PTPRD: variants seen among roughly 807,000 people sequenced by gnomAD.
PTPRD encodes the protein protein tyrosine phosphatase receptor type D, also known as receptor-type tyrosine-protein phosphatase delta.
A neutral mutation model predicts 214.5 loss-of-function variants in PTPRD; 34 were observed. The ratio of observed to expected loss-of-function variants is 0.16; its 90% CI spans 0.12 to 0.21. The LOEUF (loss-of-function observed/expected upper bound fraction) is 0.21, where lower values mean the gene tolerates loss of function less well. Ranked by LOEUF, PTPRD falls within the 10% of genes least tolerant of loss-of-function variation. The pLI is 1.00. For missense variants in PTPRD, 2,545 were observed against 2,398.7 expected (o/e 1.06, Z -1.27); for synonymous variants, 1,128 against 845.7 (o/e 1.33, Z -5.79).
chr9:10,033,679 T>A (rs993451670), intron 4 of PTPRD, 39 bp downstream of exon 4: 2 of 152,072 alleles, frequency 1.3e-5, no homozygotes, highest in African/African-American at 4.8e-5. Flanking sequence ...TGTATTAAAT[T>A]GAGCATTAAA....
chr9:9,825,189 G>C (rs1336455130), intron 5 of PTPRD, among the ~76,000 whole-genome samples: 1 of 151,676 alleles, frequency 6.6e-6, no homozygotes. Flanking sequence ...CAGTGGTAGA[G>C]TTCATATAGG....
chr9:9,481,171 T>G (rs1000077001), intron 8 of PTPRD, among the ~76,000 whole-genome samples: 6 of 152,230 alleles, frequency 3.9e-5, no homozygotes, highest in African/African-American at 1.4e-4. Flanking sequence ...GAGGGCAGAC[T>G]AGGCAGTAGA....
intron 11 of PTPRD, among the ~76,000 whole-genome samples, chr9:8,836,587 CTTTTTT>C (rs34572407): frequency 3.0e-5 from 2 of 66,800 alleles, no homozygotes; most frequent in African/African-American, 6.3e-5. Flanking sequence ...TAATAAAAAC[CTTTTTT>C]TTTTTTTTTT....
At chr9:8,387,920 A>G (rs1370154801) in intron 37 of PTPRD, among the ~76,000 whole-genome samples, 3 of 152,250 alleles carry the variant, frequency 2.0e-5, no homozygotes, top group Admixed American at 2.0e-4. Context: ...CCTTAAGTAC[A>G]AATCAGTAAC....
At chr9:8,670,543 A>T (rs1275914582) in intron 12 of PTPRD, among the ~76,000 whole-genome samples, 1 of 152,236 alleles carries the variant, frequency 6.6e-6, no homozygotes, top group Non-Finnish European at 1.5e-5. Flanking sequence ...AATCTGCTTC[A>T]CAACAGTAAC....
chr9:9,941,549 C>G (rs1342393082), intron 4 of PTPRD, among the ~76,000 whole-genome samples: 1 of 152,170 alleles, frequency 6.6e-6, no homozygotes, highest in Non-Finnish European at 1.5e-5. Context: ...TCTTGAACTC[C>G]TGACATCAAG....
At chr9:10,511,283 T>C (rs1157336458) in intron 2 of PTPRD, among the ~76,000 whole-genome samples, 5 of 152,190 alleles carry the variant, frequency 3.3e-5, no homozygotes, top group Non-Finnish European at 7.4e-5. Flanking sequence ...GATAAATACC[T>C]AGGAGTGGGA....
At chr9:8,507,006 C>T (rs151160559) in intron 22 of PTPRD, among the ~76,000 whole-genome samples, 75 of 152,240 alleles carry the variant, frequency 4.9e-4, no homozygotes, top group Non-Finnish European at 9.1e-4. Flanking sequence ...TCTTCCATAA[C>T]CTGATACATC....
At chr9:8,753,074 G>A (rs538745114) in intron 11 of PTPRD, among the ~76,000 whole-genome samples, 1 of 152,224 alleles carries the variant, frequency 6.6e-6, no homozygotes, top group East Asian at 1.9e-4. Context: ...TGGTCTTCTG[G>A]CAGCAACCAA....
intron 5 of PTPRD, among the ~76,000 whole-genome samples, chr9:9,769,770 C>T (rs1180373728): frequency 6.6e-6 from 1 of 152,052 alleles, no homozygotes; most frequent in Non-Finnish European, 1.5e-5. Flanking sequence ...GCCCCCCACC[C>T]ACCAACAGGC....
chr9:8,833,786 T>G (rs1427117854), intron 11 of PTPRD, among the ~76,000 whole-genome samples: 1 of 94,090 alleles, frequency 1.1e-5, no homozygotes, highest in Non-Finnish European at 2.1e-5. Context: ...ATTTAATAAC[T>G]GTTAAAATTT....
At chr9:8,941,372 T>A in intron 11 of PTPRD, among the ~76,000 whole-genome samples, 1 of 152,134 alleles carries the variant, frequency 6.6e-6, no homozygotes, top group East Asian at 1.9e-4. Flanking sequence ...ATACACTATA[T>A]ATAATTTTGA....
intron 11 of PTPRD, among the ~76,000 whole-genome samples, chr9:8,989,572 T>C (rs1025378811): frequency 6.6e-6 from 1 of 152,128 alleles, no homozygotes; most frequent in African/African-American, 2.4e-5. Flanking sequence ...TTCCATTGTG[T>C]ATATATACCA....
chr9:8,539,748 C>T (rs1250052485), intron 14 of PTPRD, among the ~76,000 whole-genome samples: 1 of 151,938 alleles, frequency 6.6e-6, no homozygotes, highest in Non-Finnish European at 1.5e-5. Context: ...ATAACAGGCT[C>T]GTTATCTTCA....
chr9:8,762,175 T>A (rs1361228921), intron 11 of PTPRD, among the ~76,000 whole-genome samples: 2 of 152,186 alleles, frequency 1.3e-5, no homozygotes, highest in African/African-American at 2.4e-5. Flanking sequence ...TATATTAGTA[T>A]AATTCTCAAT....
intron 11 of PTPRD, among the ~76,000 whole-genome samples, chr9:8,950,425 G>T (rs1370303024): frequency 2.0e-5 from 3 of 151,502 alleles, no homozygotes; most frequent in African/African-American, 7.3e-5. Context: ...TGAGAAGAAA[G>T]CTGTGGGGCA....
At chr9:8,326,386 A>T (rs1465367504) in intron 44 of PTPRD, among the ~76,000 whole-genome samples, 1 of 152,122 alleles carries the variant, frequency 6.6e-6, no homozygotes, top group Non-Finnish European at 1.5e-5. Flanking sequence ...TGATTTGTGT[A>T]TGTTGAACAA....
chr9:9,040,508 T>C (rs551680099), intron 10 of PTPRD, among the ~76,000 whole-genome samples: 2 of 152,274 alleles, frequency 1.3e-5, no homozygotes, highest in South Asian at 4.1e-4. Flanking sequence ...AATTTACATA[T>C]TCAACCGCAC....
intron 6 of PTPRD, among the ~76,000 whole-genome samples, chr9:9,761,603 C>G (rs2098657505): frequency 6.6e-6 from 1 of 151,992 alleles, no homozygotes; most frequent in Non-Finnish European, 1.5e-5. Context: ...TTTCAATATG[C>G]TGGTTGTGAT....
Sources: gnomAD v4.1 joint callset for allele counts (sites outside exome capture counted in the v4.1 genomes callset) on GRCh38, gnomAD v4.1.1 for gene constraint, MANE v1.5 for transcripts, NCBI Gene and HGNC (gene_info 2026-07-23, HGNC 2026-07-21) for gene names.